The following ZNF157 variants were observed in gnomAD, a reference collection of about 807,000 sequenced individuals.
The protein encoded by ZNF157 is zinc finger protein 157.
A neutral mutation model predicts 9.4 loss-of-function variants in ZNF157; 8 were observed. That is an observed-to-expected ratio of 0.85 (90% CI 0.50 to 1.53). The LOEUF is 1.53. ZNF157 is among the 40% of genes most tolerant of loss of function. The pLI, the probability that ZNF157 is intolerant of heterozygous loss-of-function variation, is 0.00. For synonymous variants in ZNF157, 120 were observed against 130.8 expected (o/e 0.92, Z 0.56); for missense variants, 316 against 385.2 (o/e 0.82, Z 1.50).
intron 1 of ZNF157, among the ~76,000 whole-genome samples, chrX:47,380,111 G>T (rs1197348459): frequency 5.4e-5 from 6 of 110,576 alleles, no homozygotes; most frequent in Non-Finnish European, 1.1e-4. Flanking sequence ...CCTGATCAAG[G>T]TGGGGACAAT....
intron 1 of ZNF157, among the ~76,000 whole-genome samples, chrX:47,386,120 T>C (rs900963534): frequency 1.8e-5 from 2 of 111,711 alleles, no homozygotes; most frequent in Non-Finnish European, 3.8e-5. Flanking sequence ...TATACAACCA[T>C]CCTAGGTGAG....
intron 1 of ZNF157, among the ~76,000 whole-genome samples, chrX:47,375,547 G>C (rs1258138054): frequency 9.0e-6 from 1 of 110,848 alleles, no homozygotes; most frequent in Non-Finnish European, 1.9e-5. Flanking sequence ...TGTACATAGG[G>C]GTTTTGGCAA....
chrX:47,384,435 T>G (rs1469285182), intron 1 of ZNF157, among the ~76,000 whole-genome samples: 1 of 111,674 alleles, frequency 9.0e-6, no homozygotes, highest in Non-Finnish European at 1.9e-5. Flanking sequence ...AATTTGTAGA[T>G]TTGAACAGGC....
intron 1 of ZNF157, among the ~76,000 whole-genome samples, chrX:47,377,827 G>A (rs1271359935): frequency 1.8e-5 from 2 of 108,291 alleles, no homozygotes; most frequent in Non-Finnish European, 3.8e-5. Context: ...ATGATGTTGA[G>A]GACCTTTTTA....
intron 1 of ZNF157, among the ~76,000 whole-genome samples, chrX:47,372,520 G>A (rs1435573104): frequency 1.0e-5 from 1 of 98,274 alleles, no homozygotes; most frequent in African/African-American, 3.8e-5. Flanking sequence ...TTGAGATGGA[G>A]TTTCGCTCTT....
chrX:47,400,586 G>C (rs1294452250), intron 1 of ZNF157, among the ~76,000 whole-genome samples: 1 of 112,203 alleles, frequency 8.9e-6, no homozygotes, highest in Non-Finnish European at 1.9e-5. Flanking sequence ...ATGCTGTAAG[G>C]TGTGTTCCTT....
At chrX:47,370,901 T>A (rs1033701952) in intron 1 of ZNF157, among the ~76,000 whole-genome samples, 161 bp downstream of exon 1, 8 of 111,758 alleles carry the variant, frequency 7.2e-5, no homozygotes, top group Non-Finnish European at 1.3e-4. Context: ...GATATTGACA[T>A]GCAGAGCATT....
At chrX:47,392,840 G>A (rs1032185032) in intron 1 of ZNF157, among the ~76,000 whole-genome samples, 7 of 111,418 alleles carry the variant, frequency 6.3e-5, no homozygotes, top group Admixed American at 9.7e-5. Context: ...GGAAAATATC[G>A]TTAGATTAAG....
chrX:47,370,990 C>A (rs766817737), intron 1 of ZNF157, among the ~76,000 whole-genome samples: 5 of 110,139 alleles, frequency 4.5e-5, no homozygotes, highest in Non-Finnish European at 9.5e-5. Context: ...CCCTCTTAAC[C>A]CTGGGGCACC....
At chrX:47,387,840 T>G (rs1319378933) in intron 1 of ZNF157, among the ~76,000 whole-genome samples, 5 of 96,355 alleles carry the variant, frequency 5.2e-5, no homozygotes, top group African/African-American at 7.8e-5. Context: ...GAGGCTGAGA[T>G]TGTGCCACTG....
intron 1 of ZNF157, among the ~76,000 whole-genome samples, chrX:47,378,683 T>C (rs1462211526): frequency 9.0e-6 from 1 of 111,125 alleles, no homozygotes; most frequent in Non-Finnish European, 1.9e-5. Flanking sequence ...TACAAAATTA[T>C]AAAAATTAGC....
In ZNF157 at chrX:47,413,773, T is replaced by C; in HGVS notation, c.*179T>C. Reference sequence around the variant, plus strand: ...TAGTGGTGTGTGAACATCTTATCTGTTGATTGGCTATTTGGGTTTTTTCTT... The same window carrying C: ...TAGTGGTGTGTGAACATCTTATCTGCTGATTGGCTATTTGGGTTTTTTCTT... On this transcript the variant is annotated 3_prime_UTR_variant, in exon 4 of 4. Coordinates refer to ENST00000377073, the MANE Select transcript of ZNF157 (RefSeq NM_003446.4). 1.3e-6 allele frequency: 1 copy of C among 769,502 alleles called. No homozygotes were observed. Among genetic ancestry groups the C allele is most frequent in the Non-Finnish European group, 1.7e-6 (1 of 578,292 alleles). The allele number at this position is 769,502 out of a possible 1,213,427, so 63.4% of individuals were successfully genotyped here. A position where few individuals can be genotyped will look rare whatever the true frequency, so the allele number is the denominator to read the frequency against.
At chrX:47,399,089 A>G (rs773511130) in intron 1 of ZNF157, among the ~76,000 whole-genome samples, 27 of 112,387 alleles carry the variant, frequency 2.4e-4, no homozygotes, top group Non-Finnish European at 4.7e-4. Flanking sequence ...GGTGTGAGCC[A>G]CCGTGTCCAG....
chrX:47,392,124 C>T (rs773189411), intron 1 of ZNF157: 4 of 107,929 alleles, frequency 3.7e-5, no homozygotes, highest in Admixed American at 1.0e-4. Flanking sequence ...CTCCTGAGTT[C>T]GTGATCCACC....
chrX:47,401,919 G>A (rs905096028), intron 1 of ZNF157, among the ~76,000 whole-genome samples: 10 of 109,342 alleles, frequency 9.1e-5, no homozygotes, highest in Non-Finnish European at 1.7e-4. Context: ...TTTATATTTG[G>A]AGAGACAGGG....
chrX:47,405,586 T>C (rs1195758326), intron 1 of ZNF157, among the ~76,000 whole-genome samples: 1 of 111,809 alleles, frequency 8.9e-6, no homozygotes, highest in African/African-American at 3.2e-5. Flanking sequence ...TTTAGCCTTT[T>C]GCATGACTGT....
chrX:47,394,967 C>T (rs1005349513), intron 1 of ZNF157, among the ~76,000 whole-genome samples: 1 of 111,542 alleles, frequency 9.0e-6, no homozygotes, highest in Admixed American at 9.7e-5. Flanking sequence ...TACAGGAGCA[C>T]ACCACCATGT....
At chrX:47,398,248 A>C (rs757655469) in intron 1 of ZNF157, among the ~76,000 whole-genome samples, 1 of 111,343 alleles carries the variant, frequency 9.0e-6, no homozygotes, top group African/African-American at 3.3e-5. Context: ...CCTGCAGGAC[A>C]TTGCCCCAGC....
chrX:47,398,247 C>T (rs1176852175), intron 1 of ZNF157, among the ~76,000 whole-genome samples: 1 of 111,425 alleles, frequency 9.0e-6, no homozygotes. Context: ...TCCTGCAGGA[C>T]ATTGCCCCAG....
Sources: allele counts gnomAD v4.1 joint callset (sites outside exome capture counted in the v4.1 genomes callset), GRCh38; gene constraint gnomAD v4.1.1; transcripts MANE v1.5; gene names NCBI Gene and HGNC (gene_info 2026-07-23, HGNC 2026-07-21).